Variants in CCSER1 observed in about 807,000 individuals in gnomAD.
CCSER1 encodes coiled-coil serine rich protein 1.
Under a neutral mutation model 82.0 loss-of-function variants are expected in CCSER1, and 41 were observed. That is an observed-to-expected ratio of 0.50 (90% CI 0.39 to 0.65). The LOEUF is 0.65. Ranked by LOEUF, CCSER1 falls within the 30% of genes least tolerant of loss-of-function variation. The pLI is 0.00. For synonymous variants in CCSER1, 414 were observed against 383.9 expected (o/e 1.08, Z -0.92); for missense variants, 1,119 against 1,064.2 (o/e 1.05, Z -0.72).
At chr4:90,572,584 T>G (rs1239532979) in intron 5 of CCSER1, among the ~76,000 whole-genome samples, 1 of 152,076 alleles carries the variant, frequency 6.6e-6, no homozygotes, top group Non-Finnish European at 1.5e-5. Flanking sequence ...TTATTATTAT[T>G]ATTATTATTA....
At chr4:90,289,367 G>T (rs1299672553) in intron 1 of CCSER1, among the ~76,000 whole-genome samples, 2 of 151,826 alleles carry the variant, frequency 1.3e-5, no homozygotes, top group South Asian at 2.1e-4. Flanking sequence ...GATTTTCAAA[G>T]TTATTTTAGT....
intron 10 of CCSER1, among the ~76,000 whole-genome samples, chr4:91,442,221 A>C (rs1755217091): frequency 6.6e-6 from 1 of 151,650 alleles, no homozygotes; most frequent in Non-Finnish European, 1.5e-5. Context: ...ACTTCAAACT[A>C]TTCTACAAGG....
Position 90,230,672 on chromosome 4 carries a change from T to C in CCSER1, c.-41-77572T>C, listed in dbSNP as rs551986242. Among the ~76,000 whole-genome samples, 287 of 149,076 alleles carry C rather than the reference T, an allele frequency of 1.9e-3. 4 individuals are homozygous for C. The South Asian group carries it at 0.032, about 17-fold the overall frequency. On this transcript the variant is annotated intron_variant, in intron 1 of 10. Coordinates refer to ENST00000509176, the MANE Select transcript of CCSER1 (RefSeq NM_001145065.2). ...CACAAAAAACCCTTCAAAAAATTAATGAATCCAGGAGCTGGTTTTTTGAAA... is the reference window on the plus strand; with the variant it reads ...CACAAAAAACCCTTCAAAAAATTAACGAATCCAGGAGCTGGTTTTTTGAAA...
At chr4:90,589,426 G>T (rs1406874898) in intron 5 of CCSER1, among the ~76,000 whole-genome samples, 3 of 151,878 alleles carry the variant, frequency 2.0e-5, no homozygotes, top group Non-Finnish European at 4.4e-5. Flanking sequence ...AATAGGCATT[G>T]TTTAAAATAT....
chr4:90,659,104 A>T (rs1258162852), intron 6 of CCSER1, among the ~76,000 whole-genome samples: 2 of 141,508 alleles, frequency 1.4e-5, no homozygotes, highest in African/African-American at 2.6e-5. Flanking sequence ...TTTTTTGAGA[A>T]CTGCCCTTAA....
At chr4:91,476,974 T>C (rs1048064779) in intron 10 of CCSER1, among the ~76,000 whole-genome samples, 6 of 151,588 alleles carry the variant, frequency 4.0e-5, no homozygotes, top group Non-Finnish European at 7.4e-5. Context: ...GAAGAAAACA[T>C]TGGGGAAATG....
chr4:91,438,668 G>C (rs1016006232), intron 10 of CCSER1, among the ~76,000 whole-genome samples: 3 of 152,178 alleles, frequency 2.0e-5, no homozygotes, highest in Admixed American at 2.0e-4. Flanking sequence ...GAAGGCTTCA[G>C]ATGATCAAAC....
At chr4:91,586,949 G>T (rs575828621) in intron 10 of CCSER1, among the ~76,000 whole-genome samples, 1 of 151,572 alleles carries the variant, frequency 6.6e-6, no homozygotes, top group Non-Finnish European at 1.5e-5. Flanking sequence ...ATAATGAATA[G>T]ATATGAATGA....
intron 10 of CCSER1, among the ~76,000 whole-genome samples, chr4:91,587,309 A>G (rs1295056679): frequency 6.6e-6 from 1 of 151,746 alleles, no homozygotes; most frequent in Non-Finnish European, 1.5e-5. Flanking sequence ...AATACAGAAG[A>G]CATCACCTGT....
chr4:90,333,164 A>C (rs1739650078), intron 3 of CCSER1, among the ~76,000 whole-genome samples: 1 of 152,130 alleles, frequency 6.6e-6, no homozygotes, highest in Admixed American at 6.6e-5. Context: ...AATTTATCTC[A>C]TTCCTGGTGA....
intron 9 of CCSER1, among the ~76,000 whole-genome samples, chr4:91,004,391 G>A (rs1738319023): frequency 6.6e-6 from 1 of 152,174 alleles, no homozygotes; most frequent in Non-Finnish European, 1.5e-5. Flanking sequence ...TTGCAACTCT[G>A]ATGCTGAACT....
intron 9 of CCSER1, among the ~76,000 whole-genome samples, chr4:91,012,465 A>G (rs1739071105): frequency 6.9e-6 from 1 of 144,896 alleles, no homozygotes; most frequent in African/African-American, 2.6e-5. Flanking sequence ...AAGAGGAAGT[A>G]TGCAATTTCA....
chr4:90,657,835 G>C (rs1729986281), intron 6 of CCSER1, among the ~76,000 whole-genome samples: 1 of 152,178 alleles, frequency 6.6e-6, no homozygotes, highest in South Asian at 2.1e-4. Context: ...CAGTCACAGT[G>C]GCTCACACCT....
chr4:90,248,800 C>T (rs1260850233), intron 1 of CCSER1, among the ~76,000 whole-genome samples: 10 of 151,230 alleles, frequency 6.6e-5, no homozygotes, highest in Non-Finnish European at 1.3e-4. Flanking sequence ...TAGGCTTAAG[C>T]GATCCTCCCA....
chr4:91,490,544 A>G (rs983228994), intron 10 of CCSER1, among the ~76,000 whole-genome samples: 19 of 151,974 alleles, frequency 1.3e-4, no homozygotes, highest in Non-Finnish European at 2.8e-4. Context: ...AAAAATTAAA[A>G]TAATTGAACT....
intron 10 of CCSER1, among the ~76,000 whole-genome samples, chr4:91,411,503 T>TATATATATATAC (rs1560650373): frequency 6.3e-5 from 4 of 63,240 alleles, no homozygotes; most frequent in African/African-American, 2.2e-4. Context: ...TATATATATA[T>TATATATATATAC]ATATATATAT....
At chr4:91,346,137 C>T (rs1221441104) in intron 10 of CCSER1, among the ~76,000 whole-genome samples, 1 of 151,572 alleles carries the variant, frequency 6.6e-6, no homozygotes, top group Non-Finnish European at 1.5e-5. Context: ...CATTTTCCTG[C>T]CTCAGCCTCC....
At chr4:91,295,777 C>A (rs570960641) in intron 10 of CCSER1, among the ~76,000 whole-genome samples, 18 of 151,914 alleles carry the variant, frequency 1.2e-4, no homozygotes, top group African/African-American at 4.3e-4. Context: ...TTCCTATTTG[C>A]TCTTTGGTGT....
At chr4:90,342,477 A>G (rs1164728757) in intron 3 of CCSER1, among the ~76,000 whole-genome samples, 1 of 152,146 alleles carries the variant, frequency 6.6e-6, no homozygotes, top group East Asian at 1.9e-4. Flanking sequence ...CACAGAGAAA[A>G]TGGAGACAAT....
Sources: gnomAD v4.1 joint callset for allele counts (sites outside exome capture counted in the v4.1 genomes callset) on GRCh38, gnomAD v4.1.1 for gene constraint, MANE v1.5 for transcripts, NCBI Gene and HGNC (gene_info 2026-07-23, HGNC 2026-07-21) for gene names.